Variants in SPSB1 observed in about 807,000 individuals in gnomAD.
SPSB1 encodes SPRY domain-containing SOCS box protein 1.
SPSB1 carries 8 observed loss-of-function variants against 21.2 expected under a neutral mutation model. That is an observed-to-expected ratio of 0.38 (90% CI 0.22 to 0.68). SPSB1 has a LOEUF of 0.68. Among genes scored for constraint, SPSB1 ranks in the 30% least tolerant of loss-of-function variants. The pLI is 0.53. For synonymous variants in SPSB1, 169 were observed against 161.7 expected (o/e 1.05, Z -0.34); for missense variants, 242 against 377.8 (o/e 0.64, Z 2.98).
chr1:9,295,190 G>T (rs1362793711), intron 1 of SPSB1, among the ~76,000 whole-genome samples: 1 of 145,870 alleles, frequency 6.9e-6, no homozygotes, highest in African/African-American at 2.6e-5. Flanking sequence ...CCAGTAGATG[G>T]AGTGTGTGTG....
intron 2 of SPSB1, among the ~76,000 whole-genome samples, chr1:9,365,959 C>G (rs971672516): frequency 6.6e-6 from 1 of 152,210 alleles, no homozygotes; most frequent in Non-Finnish European, 1.5e-5. Context: ...TCTGCTCTGG[C>G]GAAGCGGGCG....
intron 1 of SPSB1, among the ~76,000 whole-genome samples, chr1:9,300,025 T>G (rs1372518087): frequency 1.3e-5 from 2 of 151,088 alleles, no homozygotes; most frequent in Non-Finnish European, 2.9e-5. Context: ...TCATGCTTCA[T>G]TGGACCTAGT....
rs1244546036 is a variant in SPSB1 at position 9,324,178 on chromosome 1, T to C, written c.-150+31107T>C. 6.6e-6 allele frequency among the ~76,000 whole-genome samples: 1 copy of C among 152,202 alleles called. No individual in the cohort carries two copies. Among genetic ancestry groups the C allele is most frequent in the Non-Finnish European group, 1.5e-5 (1 of 68,034 alleles). ...TATTTCTGGTAGATAATCACTGGTTTTTCTCATCCGGCAAGTGGACACCTC... is the reference window on the plus strand; with the variant it reads ...TATTTCTGGTAGATAATCACTGGTTCTTCTCATCCGGCAAGTGGACACCTC... On this transcript the variant is annotated intron_variant, in intron 1 of 2. Coordinates refer to ENST00000328089, the MANE Select transcript of SPSB1 (RefSeq NM_025106.4). The surrounding 1 kb of genome is among the most constrained non-coding windows in gnomAD (Gnocchi z 4.3).
intron 1 of SPSB1, among the ~76,000 whole-genome samples, chr1:9,342,649 G>A (rs1039559220): frequency 2.0e-5 from 3 of 152,146 alleles, no homozygotes; most frequent in Admixed American, 1.3e-4. Flanking sequence ...GCCAGCCCGC[G>A]GGGTCATCCC....
intron 1 of SPSB1, among the ~76,000 whole-genome samples, chr1:9,328,148 T>C (rs1185452552): frequency 1.3e-5 from 2 of 152,044 alleles, no homozygotes; most frequent in South Asian, 2.1e-4. Flanking sequence ...TTACACCCCC[T>C]CCTATAGAGC....
intron 1 of SPSB1, among the ~76,000 whole-genome samples, chr1:9,320,905 G>A (rs1455331594): frequency 6.6e-6 from 1 of 151,932 alleles, no homozygotes; most frequent in East Asian, 1.9e-4. Flanking sequence ...TGGCCTGATG[G>A]GGAGGGGCCA....
intron 1 of SPSB1, among the ~76,000 whole-genome samples, chr1:9,306,072 C>T (rs901989243): frequency 6.6e-6 from 1 of 152,182 alleles, no homozygotes; most frequent in African/African-American, 2.4e-5. Flanking sequence ...AATCAGCCAG[C>T]AGGCTGAGTC....
At chr1:9,353,636 A>G (rs934499900) in intron 1 of SPSB1, among the ~76,000 whole-genome samples, 1 of 152,010 alleles carries the variant, frequency 6.6e-6, no homozygotes, top group Non-Finnish European at 1.5e-5. Context: ...CCCTCTGTCT[A>G]TGGCTGGGCG....
chr1:9,355,228 G>A (rs140989855), intron 1 of SPSB1, among the ~76,000 whole-genome samples: 11 of 152,334 alleles, frequency 7.2e-5, no homozygotes, highest in East Asian at 1.9e-4. Context: ...TTGGTGGTGC[G>A]TCTGCTGGAG....
chr1:9,297,332 C>T (rs1639242502), intron 1 of SPSB1, among the ~76,000 whole-genome samples: 1 of 152,120 alleles, frequency 6.6e-6, no homozygotes, highest in African/African-American at 2.4e-5. Flanking sequence ...GAAATGACTG[C>T]TGAGTAGGAA....
At chr1:9,352,935 C>T (rs1325033644) in intron 1 of SPSB1, among the ~76,000 whole-genome samples, 1 of 148,776 alleles carries the variant, frequency 6.7e-6, no homozygotes, top group South Asian at 2.1e-4. Flanking sequence ...AAAGGTCCTC[C>T]CTGCTGCCAC....
At chr1:9,314,921 A>C (rs368165985) in intron 1 of SPSB1, among the ~76,000 whole-genome samples, 1 of 152,254 alleles carries the variant, frequency 6.6e-6, no homozygotes, top group Non-Finnish European at 1.5e-5. Context: ...CATGTCCTGC[A>C]CACAGGAGTG....
At chr1:9,315,683 C>A (rs1639601734) in intron 1 of SPSB1, among the ~76,000 whole-genome samples, 1 of 152,254 alleles carries the variant, frequency 6.6e-6, no homozygotes, top group African/African-American at 2.4e-5. Context: ...TCTACTAGGG[C>A]ATCACGTGCA....
In SPSB1 at chr1:9,367,801, A is replaced by G; in HGVS notation, c.*226A>G. ...CATCAGCAGAAGGCAGCATCCCTGC[A>G]TGCCGTCCGTATACAACCCCTCTTT... On this transcript the variant is annotated 3_prime_UTR_variant, in exon 3 of 3. Transcript: ENST00000328089. This position sits in a 1 kb window ranked among gnomAD's most constrained non-coding sequence, Gnocchi z 5.9. 2 of 636,604 alleles carry G rather than the reference A, an allele frequency of 3.1e-6. No homozygotes were observed. The highest frequency in any genetic ancestry group is 4.0e-5 in the South Asian group (2 of 49,920). 39.4% of individuals were successfully genotyped at this position (636,604 alleles called of 1,614,324 possible).
chr1:9,312,496 G>T lies in SPSB1; in HGVS notation c.-150+19425G>T, dbSNP rs112613752. Among the ~76,000 whole-genome samples, 3 of 152,306 alleles carry T rather than the reference G, an allele frequency of 2.0e-5. 1 individual carries two copies. Among genetic ancestry groups the T allele is most frequent in the African/African-American group, 7.2e-5 (3 of 41,564 alleles). ...CATTGATGATTATTAGTGCACACAT[G>T]TGGTCAGGCAGCCGTGGACACCGTC... On this transcript the variant is annotated intron_variant, in intron 1 of 2. Coordinates refer to ENST00000328089, the MANE Select transcript of SPSB1 (RefSeq NM_025106.4).
chr1:9,339,567 A>T (rs1640057030), intron 1 of SPSB1, among the ~76,000 whole-genome samples: 1 of 152,076 alleles, frequency 6.6e-6, no homozygotes, highest in Admixed American at 6.5e-5. Context: ...CATCGTTATA[A>T]CTCATGTGGT....
rs180794672 is a variant in SPSB1, at chr1:9,313,489, A to G, written c.-150+20418A>G. ...ACTCAAGCTGGACGCAGACCCAGGC[A>G]GTCTGTGCTCCGAACTGCTGCCCAC... On this transcript the variant is annotated intron_variant, in intron 1 of 2. Transcript: ENST00000328089. Among the ~76,000 whole-genome samples the G allele has an allele frequency of 4.1e-4, 63 of 152,330 alleles. 1 individual carries two copies. The highest frequency in any genetic ancestry group is 3.7e-3 in the South Asian group (18 of 4,828).
At chr1:9,323,518 C>T (rs1639759625) in intron 1 of SPSB1, among the ~76,000 whole-genome samples, 1 of 152,230 alleles carries the variant, frequency 6.6e-6, no homozygotes, top group African/African-American at 2.4e-5. Flanking sequence ...GTGCTGCCCT[C>T]ATGGGGGTCT....
At chr1:9,354,677 G>T (rs1227548605) in intron 1 of SPSB1, among the ~76,000 whole-genome samples, 1 of 152,090 alleles carries the variant, frequency 6.6e-6, no homozygotes. Context: ...GCCAGGCATG[G>T]TGGTGGGTGC....
Sources: gnomAD v4.1 joint callset for allele counts (sites outside exome capture counted in the v4.1 genomes callset) on GRCh38, gnomAD v4.1.1 for gene constraint, Gnocchi (gnomAD v3.1) non-coding constraint, MANE v1.5 for transcripts, NCBI Gene and HGNC (gene_info 2026-07-23, HGNC 2026-07-21) for gene names.